The following PHKB variants were observed in gnomAD, a reference collection of about 807,000 sequenced individuals.
PHKB encodes the protein phosphorylase kinase regulatory subunit beta.
PHKB carries 122 observed loss-of-function variants against 152.1 expected under a neutral mutation model. The ratio of observed to expected loss-of-function variants is 0.80; its 90% CI spans 0.69 to 0.93. PHKB has a LOEUF of 0.93. Among genes scored for constraint, PHKB ranks in the 40% least tolerant of loss-of-function variants. PHKB has a pLI of 0.00. For missense variants in PHKB, 1,304 were observed against 1,328.4 expected (o/e 0.98, Z 0.29); for synonymous variants, 436 against 464.9 (o/e 0.94, Z 0.80).
At chr16:47,468,449 C>A (rs4258639) in intron 1 of PHKB, among the ~76,000 whole-genome samples, 1 of 152,208 alleles carries the variant, frequency 6.6e-6, no homozygotes, top group African/African-American at 2.4e-5. Context: ...GTCAGAAGTT[C>A]GAGATCAGCC....
intron 1 of PHKB, among the ~76,000 whole-genome samples, chr16:47,491,520 C>T (rs1970150228): frequency 6.6e-6 from 1 of 152,144 alleles, no homozygotes; most frequent in South Asian, 2.1e-4. Context: ...CTTTTATCTT[C>T]CCTTTAAAAA....
intron 1 of PHKB, among the ~76,000 whole-genome samples, chr16:47,471,799 A>G (rs932245328): frequency 2.0e-5 from 3 of 152,202 alleles, no homozygotes; most frequent in Admixed American, 1.3e-4. Context: ...ATAATTAATT[A>G]AGGTGCATAT....
chr16:47,615,631 A>G (rs190053369), intron 14 of PHKB, among the ~76,000 whole-genome samples: 2 of 152,134 alleles, frequency 1.3e-5, no homozygotes, highest in Admixed American at 1.3e-4. Context: ...GTGTAGTCTC[A>G]AGAGTCTCAC....
intron 7 of PHKB, chr16:47,565,324 A>G (rs1284550163): frequency 8.8e-6 from 7 of 791,980 alleles, no homozygotes; most frequent in Admixed American, 6.9e-5. Context: ...CATTCATCCC[A>G]TCTACTTTAT....
At chr16:47,467,320 G>C (rs2151626356) in intron 1 of PHKB, among the ~76,000 whole-genome samples, 1 of 152,030 alleles carries the variant, frequency 6.6e-6, no homozygotes, top group East Asian at 1.9e-4. Context: ...TATTAATAGA[G>C]CTGTACTATT....
At chr16:47,564,871 G>C (rs1179226275) in intron 7 of PHKB, among the ~76,000 whole-genome samples, 1 of 151,378 alleles carries the variant, frequency 6.6e-6, no homozygotes, top group African/African-American at 2.4e-5. Context: ...CCCAGTGTGT[G>C]TTTTTATGTG....
At chr16:47,572,698 G>T (rs1971682863) in intron 7 of PHKB, among the ~76,000 whole-genome samples, 1 of 152,154 alleles carries the variant, frequency 6.6e-6, no homozygotes, top group Non-Finnish European at 1.5e-5. Flanking sequence ...GACTCTGTAA[G>T]ATTTCCTTGG....
chr16:47,498,289 T>TA (rs1267793155), intron 2 of PHKB, among the ~76,000 whole-genome samples: 1 of 152,244 alleles, frequency 6.6e-6, no homozygotes, highest in East Asian at 1.9e-4. Context: ...TATATTTTTT[T>TA]ATGTCAATTG....
chr16:47,635,331 T>A (rs1972900055), intron 14 of PHKB, among the ~76,000 whole-genome samples: 1 of 152,180 alleles, frequency 6.6e-6, no homozygotes, highest in Non-Finnish European at 1.5e-5. Flanking sequence ...TGAGAATAAT[T>A]ATAGTAACCT....
At chr16:47,554,230 T>G (rs1372610954) in intron 7 of PHKB, among the ~76,000 whole-genome samples, 1 of 152,154 alleles carries the variant, frequency 6.6e-6, no homozygotes, top group African/African-American at 2.4e-5. Context: ...AGGAGGAATC[T>G]AGAGAGGCAG....
intron 14 of PHKB, among the ~76,000 whole-genome samples, chr16:47,612,161 A>G (rs1972441011): frequency 6.6e-6 from 1 of 152,266 alleles, no homozygotes. Context: ...ATGGCAAAAT[A>G]GAGAATTCAT....
intron 6 of PHKB, among the ~76,000 whole-genome samples, chr16:47,533,278 T>C (rs141536912): frequency 1.3e-5 from 2 of 152,210 alleles, no homozygotes; most frequent in East Asian, 1.9e-4. Flanking sequence ...TGCATGCCCA[T>C]TGGTCCATAG....
In PHKB at chr16:47,515,609, T is replaced by A; in HGVS notation, c.594+8T>A. The A allele has an allele frequency of 8.5e-7, 1 of 1,180,856 alleles. No homozygotes were observed. Among genetic ancestry groups the A allele is most frequent in the Non-Finnish European group, 1.3e-6 (1 of 785,364 alleles). The allele number at this position is 1,180,856 out of a possible 1,614,324, so 73.1% of individuals were successfully genotyped here. ...ATCTACAACACTGATGAGGTATGCT[T>A]TCCCCAAATTTTCTATTACTAAATT... On this transcript the variant is annotated splice_region_variant and intron_variant, in intron 6 of 30. Transcript: ENST00000323584.
intron 1 of PHKB, among the ~76,000 whole-genome samples, chr16:47,493,686 A>G (rs1340132109): frequency 6.6e-6 from 1 of 152,228 alleles, no homozygotes; most frequent in Non-Finnish European, 1.5e-5. Flanking sequence ...AGTGGGACTC[A>G]TGAGAGCCTT....
intron 1 of PHKB, among the ~76,000 whole-genome samples, chr16:47,468,390 G>A (rs1301564506): frequency 2.0e-5 from 3 of 152,216 alleles, no homozygotes; most frequent in Admixed American, 2.0e-4. Flanking sequence ...CCAGGCTCAC[G>A]CCTATAATCC....
chr16:47,647,329 G>A (rs533839755), intron 16 of PHKB, among the ~76,000 whole-genome samples: 15 of 151,820 alleles, frequency 9.9e-5, no homozygotes, highest in Admixed American at 4.6e-4. Context: ...TCACCATGTC[G>A]GCCAGGCTGG....
At chr16:47,547,643 A>G (rs1189193741) in intron 7 of PHKB, 95 bp downstream of exon 7, 1 of 769,156 alleles carries the variant, frequency 1.3e-6, no homozygotes, top group Non-Finnish European at 2.2e-6. Context: ...ACTGTGATTC[A>G]TATGTTAATT....
intron 6 of PHKB, among the ~76,000 whole-genome samples, chr16:47,526,561 C>T (rs1009612632): frequency 2.0e-5 from 3 of 151,886 alleles, no homozygotes; most frequent in Non-Finnish European, 2.9e-5. Context: ...CTGTAGTGAA[C>T]GGTCAGGGCA....
At chr16:47,469,338 A>T (rs919843991) in intron 1 of PHKB, among the ~76,000 whole-genome samples, 1 of 152,326 alleles carries the variant, frequency 6.6e-6, no homozygotes, top group South Asian at 2.1e-4. Flanking sequence ...TAGCAAAGAC[A>T]TGGAATCAAC....
Sources: gnomAD v4.1 joint callset for allele counts (sites outside exome capture counted in the v4.1 genomes callset) on GRCh38, gnomAD v4.1.1 for gene constraint, MANE v1.5 for transcripts, NCBI Gene and HGNC (gene_info 2026-07-23, HGNC 2026-07-21) for gene names.